Variants in UHMK1 observed in about 807,000 individuals in gnomAD.
The protein encoded by UHMK1 is U2AF homology motif kinase 1.
A neutral mutation model predicts 44.0 loss-of-function variants in UHMK1; 18 were observed. That is an observed-to-expected ratio of 0.41 (90% CI 0.28 to 0.61). UHMK1 has a LOEUF of 0.61. Among genes scored for constraint, UHMK1 ranks in the 20% least tolerant of loss-of-function variants. The pLI is 0.31. For synonymous variants in UHMK1, 231 were observed against 198.5 expected (o/e 1.16, Z -1.38); for missense variants, 463 against 522.5 (o/e 0.89, Z 1.11).
At chr1:162,505,473 A>G (rs116822606) in intron 4 of UHMK1, among the ~76,000 whole-genome samples, 2,846 of 152,330 alleles carry the variant, frequency 0.019, 52 homozygotes, top group Middle Eastern at 0.031. Flanking sequence ...TGTCATTATC[A>G]AGTACAGTAG....
intron 5 of UHMK1, 54 bp downstream of exon 5, chr1:162,512,630 C>T: frequency 3.1e-6 from 5 of 1,600,742 alleles, no homozygotes; most frequent in Non-Finnish European, 4.3e-6. Flanking sequence ...TCATACAAGA[C>T]ATCAGCACTA....
chr1:162,509,447 T>A (rs1169478516), intron 4 of UHMK1, among the ~76,000 whole-genome samples: 2 of 152,234 alleles, frequency 1.3e-5, no homozygotes, highest in Non-Finnish European at 2.9e-5. Context: ...AGTATTAGAA[T>A]GTATAACCCC....
intron 4 of UHMK1, among the ~76,000 whole-genome samples, chr1:162,508,937 C>T (rs956603381): frequency 6.6e-6 from 1 of 152,080 alleles, no homozygotes; most frequent in African/African-American, 2.4e-5. Flanking sequence ...GGACCACAGG[C>T]ATACACCACC....
Position 162,525,601 on chromosome 1 carries a change from C to T in UHMK1, c.*3051C>T, listed in dbSNP as rs1021233110. 6.6e-6 allele frequency: 1 copy of T among 152,194 alleles called. No individual in the cohort carries two copies. Among genetic ancestry groups the T allele is most frequent in the Non-Finnish European group, 1.5e-5 (1 of 68,028 alleles). 9.4% of individuals were successfully genotyped at this position (152,194 alleles called of 1,614,324 possible). A position where few individuals can be genotyped will look rare whatever the true frequency, so the allele number is the denominator to read the frequency against. On this transcript the variant is annotated 3_prime_UTR_variant, in exon 8 of 8. Coordinates refer to ENST00000489294, the MANE Select transcript of UHMK1 (RefSeq NM_175866.5). ...GGACAAAAACAAGTAGAGTTGGACACCTCAGTAAGAGACAGCATTAACTAA... is the reference window on the plus strand; with the variant it reads ...GGACAAAAACAAGTAGAGTTGGACATCTCAGTAAGAGACAGCATTAACTAA...
rs763041419 is a variant in UHMK1 at position 162,518,167 on chromosome 1, A to G, written c.1090A>G (p.Lys364Glu). The change falls in exon 7 of 8, where the codon AAG (lysine) becomes GAG (glutamate). Residue 364 changes from lysine (K) to glutamate (E), a missense_variant. This residue lies in a region of UHMK1 where 264 missense variants were observed against 326.3 expected (regional missense o/e 0.81). Coordinates refer to ENST00000489294, the MANE Select transcript of UHMK1 (RefSeq NM_175866.5). ...ACCAGTGGTATCTCTACTTGTTCCA[A>G]AGGAAAATCCTGGCAGAGGACAAGT... ...YGPVVSLLVP[K>E]ENPGRGQVFV... 6.2e-7 allele frequency: 1 copy of G among 1,612,994 alleles called. No homozygotes were observed. Among genetic ancestry groups the G allele is most frequent in the Non-Finnish European group, 8.5e-7 (1 of 1,179,112 alleles).
intron 3 of UHMK1, among the ~76,000 whole-genome samples, chr1:162,503,247 G>T (rs1044752066): frequency 1.3e-5 from 2 of 151,288 alleles, no homozygotes; most frequent in Admixed American, 6.6e-5. Context: ...AGTGCTAGGC[G>T]CTGAAAATGA....
At chr1:162,505,615 ATTATT>A (rs1370116820) in intron 4 of UHMK1, among the ~76,000 whole-genome samples, 2 of 152,192 alleles carry the variant, frequency 1.3e-5, no homozygotes, top group Non-Finnish European at 2.9e-5. Flanking sequence ...TCAGCTCAGT[ATTATT>A]TTATGAGATC....
At chr1:162,520,872 G>T (rs971961820) in intron 7 of UHMK1, among the ~76,000 whole-genome samples, 2 of 152,194 alleles carry the variant, frequency 1.3e-5, no homozygotes, top group Non-Finnish European at 1.5e-5. Context: ...ATTAGCCCCA[G>T]TGGTCAAAAT....
At chr1:162,507,703 C>T (rs1297497596) in intron 4 of UHMK1, among the ~76,000 whole-genome samples, 2 of 151,300 alleles carry the variant, frequency 1.3e-5, no homozygotes, top group Admixed American at 6.6e-5. Flanking sequence ...TCTCCTACCT[C>T]AGCCTCCCGA....
Position 162,529,008 on chromosome 1 carries a change from G to A in UHMK1, c.*6458G>A, listed in dbSNP as rs1413083478. The A allele has an allele frequency of 6.6e-6, 1 of 152,066 alleles. No homozygotes were observed. The highest frequency in any genetic ancestry group is 1.5e-5 in the Non-Finnish European group (1 of 67,980). 9.4% of individuals were successfully genotyped at this position (152,066 alleles called of 1,614,324 possible). A position where few individuals can be genotyped will look rare whatever the true frequency, so the allele number is the denominator to read the frequency against. On this transcript the variant is annotated 3_prime_UTR_variant, in exon 8 of 8. Transcript: ENST00000489294. ...TATTTTCCCTCAGTAACATGTAATT[G>A]CTACATTTTTTATAAGAAGGTATGG...
rs1486282230 is a variant in UHMK1 at position 162,498,052 on chromosome 1, G to T, written c.52G>T (p.Ala18Ser). ...CGCGGAGCCGCCGCGTTTTCTGGAG[G>T]CCTTCGGGCGGCTGTGGCAGGTACA... ...WGAEPPRFLE[A>S]FGRLWQVQSR... Residue 18 changes from alanine (A) to serine (S), a missense_variant, in exon 1 of 8, where the codon GCC becomes TCC. By Grantham distance (99) the Ala-to-Ser change is moderately conservative (BLOSUM62 1). Around this residue, in one of 3 missense-constraint regions of UHMK1, gnomAD observed 191 missense variants for 176.0 expected, o/e 1.09. Coordinates refer to ENST00000489294, the MANE Select transcript of UHMK1 (RefSeq NM_175866.5). The T allele has an allele frequency of 6.2e-7, 1 of 1,603,536 alleles. No homozygotes were observed. The highest frequency in any genetic ancestry group is 1.3e-5 in the African/African-American group (1 of 74,532).
At chr1:162,497,538 C>T (rs990187975), upstream of UHMK1, among the ~76,000 whole-genome samples, 2 of 152,042 alleles carry the variant, frequency 1.3e-5, no homozygotes, top group South Asian at 4.1e-4. Context: ...CCTTGGGATC[C>T]TTTCTATGAG....
intron 6 of UHMK1, among the ~76,000 whole-genome samples, chr1:162,516,859 T>C (rs1337449082): frequency 6.6e-6 from 1 of 152,194 alleles, no homozygotes; most frequent in Non-Finnish European, 1.5e-5. Flanking sequence ...GATTATCCTC[T>C]TGTGGGTAAG....
intron 7 of UHMK1, among the ~76,000 whole-genome samples, chr1:162,518,508 C>T (rs1209844348): frequency 6.7e-6 from 1 of 150,338 alleles, no homozygotes; most frequent in Non-Finnish European, 1.5e-5. Flanking sequence ...ATGGTGAAGC[C>T]CTGTCTCTAC....
Position 162,527,868 on chromosome 1 carries a change from A to T in UHMK1, c.*5318A>T, listed in dbSNP as rs971376999. The T allele has an allele frequency of 6.6e-6, 1 of 151,746 alleles. No individual in the cohort carries two copies. Among genetic ancestry groups the T allele is most frequent in the Admixed American group, 6.6e-5 (1 of 15,218 alleles). 9.4% of individuals were successfully genotyped at this position (151,746 alleles called of 1,614,324 possible). On this transcript the variant is annotated 3_prime_UTR_variant, in exon 8 of 8. Coordinates refer to ENST00000489294, the MANE Select transcript of UHMK1 (RefSeq NM_175866.5). The stretch of plus-strand genomic sequence containing the variant: ...TGTGCAGAAGAGAGCTTATTTTGTT[A>T]TACTGCTTTGTATAATGGAAATAAG...
chr1:162,499,219 AG>A (rs1651178279), intron 1 of UHMK1, among the ~76,000 whole-genome samples: 1 of 151,950 alleles, frequency 6.6e-6, no homozygotes, highest in South Asian at 2.1e-4. Flanking sequence ...TCTGTCACCC[AG>A]GCTGGAGTAC....
rs747166149 is a variant in UHMK1, at chr1:162,503,798, A to G, written c.798A>G (p.Ala266=). The G allele has an allele frequency of 6.2e-7, 1 of 1,614,180 alleles. No individual in the cohort carries two copies. The highest frequency in any genetic ancestry group is 1.7e-5 in the Admixed American group (1 of 60,020). ...AIIDHIFASK[A]VVNAAIPAYH... ...TTGATCACATATTTGCCAGTAAAGC[A>G]GTGGTGAATGCCGCAATTCCAGCCT... Residue 266 remains alanine, a synonymous_variant, in exon 4 of 8, where the codon GCA becomes GCG. Coordinates refer to ENST00000489294, the MANE Select transcript of UHMK1 (RefSeq NM_175866.5).
intron 3 of UHMK1, 122 bp from the exon 4 acceptor site, chr1:162,503,632 G>C: frequency 5.3e-6 from 2 of 378,676 alleles, no homozygotes; most frequent in Non-Finnish European, 9.3e-6. Flanking sequence ...AAAAAAAAAA[G>C]ATTGTAGGCT....
chr1:162,521,155 T>C (rs185035150), intron 7 of UHMK1, among the ~76,000 whole-genome samples: 1 of 152,136 alleles, frequency 6.6e-6, no homozygotes, highest in African/African-American at 2.4e-5. Context: ...TTATAAGGAA[T>C]GTTACAAAAA....
Sources: allele counts gnomAD v4.1 joint callset (sites outside exome capture counted in the v4.1 genomes callset), GRCh38; gene constraint gnomAD v4.1.1; regional missense constraint gnomAD v4.1.1; transcripts MANE v1.5; gene names NCBI Gene and HGNC (gene_info 2026-07-23, HGNC 2026-07-21).